NALF1: variants seen among roughly 807,000 people sequenced by gnomAD.
NALF1 encodes the protein NALCN channel auxiliary factor 1.
In NALF1, 3 loss-of-function variants were observed where a neutral mutation model predicts 48.4. That is an observed-to-expected ratio of 0.06 (90% CI 0.03 to 0.16). The LOEUF (loss-of-function observed/expected upper bound fraction) is 0.16. Ranked by LOEUF, NALF1 falls within the 10% of genes least tolerant of loss-of-function variation. NALF1 has a pLI of 1.00. For synonymous variants in NALF1, 262 were observed against 245.7 expected, an observed-to-expected ratio of 1.07 and a Z score of -0.62; for missense variants, 526 against 571.5, an observed-to-expected ratio of 0.92 and a Z score of 0.81.
At chr13:107,854,849 G>A (rs1428721058) in intron 1 of NALF1, among the ~76,000 whole-genome samples, 1 of 148,870 alleles carries the variant, frequency 6.7e-6, no homozygotes, top group Non-Finnish European at 1.5e-5. Context: ...ACTTCAGCCT[G>A]GCGACACAGG....
At chr13:107,760,444 A>T (rs1877231940) in intron 1 of NALF1, among the ~76,000 whole-genome samples, 1 of 152,158 alleles carries the variant, frequency 6.6e-6, no homozygotes, top group African/African-American at 2.4e-5. Flanking sequence ...TGCTATTCTA[A>T]CTCAACCGAA....
At chr13:107,658,905 C>T (rs529293827) in intron 1 of NALF1, among the ~76,000 whole-genome samples, 1 of 152,032 alleles carries the variant, frequency 6.6e-6, no homozygotes, top group Non-Finnish European at 1.5e-5. Context: ...TCAGTAGGTC[C>T]CCAGTCAAGG....
chr13:107,182,660 G>T (rs151127011), intron 2 of NALF1, among the ~76,000 whole-genome samples: 1 of 152,032 alleles, frequency 6.6e-6, no homozygotes, highest in African/African-American at 2.4e-5. Context: ...TTAAAAAATC[G>T]CACACACTTG....
intron 1 of NALF1, among the ~76,000 whole-genome samples, chr13:107,710,730 T>TTATA (rs1382630031): frequency 2.7e-5 from 4 of 150,660 alleles, no homozygotes; most frequent in Non-Finnish European, 4.4e-5. Context: ...ATTACAATTT[T>TTATA]TATATATATA....
At chr13:107,404,887 C>G (rs905043178) in intron 1 of NALF1, among the ~76,000 whole-genome samples, 2 of 152,058 alleles carry the variant, frequency 1.3e-5, no homozygotes, top group African/African-American at 4.8e-5. Flanking sequence ...TCAGTGTCCA[C>G]TGCGTGACAG....
chr13:107,826,063 G>C (rs1048852335), intron 1 of NALF1, among the ~76,000 whole-genome samples: 13 of 152,196 alleles, frequency 8.5e-5, no homozygotes, highest in African/African-American at 3.1e-4. Flanking sequence ...ACAGGCGTGA[G>C]CCACCATGCC....
intron 1 of NALF1, among the ~76,000 whole-genome samples, chr13:107,675,304 C>T (rs1310228060): frequency 2.6e-5 from 4 of 152,136 alleles, no homozygotes; most frequent in African/African-American, 9.7e-5. Context: ...GGGCTGCAGG[C>T]TCACGTCTGG....
At chr13:107,471,421 G>T (rs1885098945) in intron 1 of NALF1, among the ~76,000 whole-genome samples, 2 of 152,116 alleles carry the variant, frequency 1.3e-5, no homozygotes, top group African/African-American at 4.8e-5. Context: ...TTGGGTCAGG[G>T]GATGGTGAAA....
At chr13:107,730,507 G>A (rs995887164) in intron 1 of NALF1, among the ~76,000 whole-genome samples, 1 of 152,096 alleles carries the variant, frequency 6.6e-6, no homozygotes, top group Non-Finnish European at 1.5e-5. Flanking sequence ...TGTGTTCATC[G>A]ATTTAATTTA....
intron 2 of NALF1, among the ~76,000 whole-genome samples, chr13:107,183,123 T>G (rs943701890): frequency 2.0e-5 from 3 of 152,182 alleles, no homozygotes; most frequent in Non-Finnish European, 2.9e-5. Flanking sequence ...AAGGCCTTGC[T>G]GCTTTCCATC....
chr13:107,545,916 C>CA (rs1360860610), intron 1 of NALF1, among the ~76,000 whole-genome samples: 1 of 152,192 alleles, frequency 6.6e-6, no homozygotes, highest in Non-Finnish European at 1.5e-5. Context: ...TCTGTACAGA[C>CA]TTCTTCCTCA....
At chr13:107,603,591 T>C (rs977744814) in intron 1 of NALF1, among the ~76,000 whole-genome samples, 2 of 152,186 alleles carry the variant, frequency 1.3e-5, no homozygotes, top group Non-Finnish European at 2.9e-5. Context: ...CCTCTCCTTT[T>C]AATAACAGAT....
At chr13:107,465,390 A>T (rs1323683) in intron 1 of NALF1, among the ~76,000 whole-genome samples, 1 of 151,216 alleles carries the variant, frequency 6.6e-6, no homozygotes, top group African/African-American at 2.4e-5. Flanking sequence ...AGTTTATACA[A>T]TTTTTTTTAC....
At chr13:107,587,419 G>T (rs1878490015) in intron 1 of NALF1, among the ~76,000 whole-genome samples, 1 of 152,104 alleles carries the variant, frequency 6.6e-6, no homozygotes, top group African/African-American at 2.4e-5. Flanking sequence ...TATTTCAATT[G>T]TGACTTGATT....
At chr13:107,523,017 T>C (rs191497792) in intron 1 of NALF1, among the ~76,000 whole-genome samples, 2 of 152,304 alleles carry the variant, frequency 1.3e-5, no homozygotes, top group Admixed American at 6.5e-5. Flanking sequence ...GATCTATCAT[T>C]GGTTTCTCAT....
At chr13:107,283,495 G>C (rs1236788746) in intron 1 of NALF1, among the ~76,000 whole-genome samples, 1 of 152,002 alleles carries the variant, frequency 6.6e-6, no homozygotes, top group African/African-American at 2.4e-5. Flanking sequence ...AAATATGAGT[G>C]GCGCTTCAGG....
intron 1 of NALF1, among the ~76,000 whole-genome samples, chr13:107,223,120 A>C (rs1379345425): frequency 1.3e-5 from 2 of 152,216 alleles, no homozygotes; most frequent in Admixed American, 1.3e-4. Context: ...ACAGTAGTGA[A>C]AGCTACTATT....
At chr13:107,279,798 C>T (rs916761254) in intron 1 of NALF1, among the ~76,000 whole-genome samples, 3 of 152,178 alleles carry the variant, frequency 2.0e-5, no homozygotes, top group African/African-American at 7.2e-5. Context: ...TCTCCCTTTG[C>T]TACCTTCATT....
chr13:107,625,195 A>T (rs1332055479), intron 1 of NALF1, among the ~76,000 whole-genome samples: 2 of 152,122 alleles, frequency 1.3e-5, no homozygotes, highest in Non-Finnish European at 2.9e-5. Context: ...CTCTACTTGC[A>T]GCTTTAGGTA....
Sources: gnomAD v4.1 joint callset for allele counts (sites outside exome capture counted in the v4.1 genomes callset) on GRCh38, gnomAD v4.1.1 for gene constraint, MANE v1.5 for transcripts, NCBI Gene and HGNC (gene_info 2026-07-23, HGNC 2026-07-21) for gene names.